SLC9C1: variants seen among roughly 807,000 people sequenced by gnomAD.
SLC9C1 encodes the protein solute carrier family 9 member C1.
A neutral mutation model predicts 140.9 loss-of-function variants in SLC9C1; 97 were observed. The ratio of observed to expected loss-of-function variants is 0.69; its 90% CI spans 0.58 to 0.82. The LOEUF is 0.82. Among genes scored for constraint, SLC9C1 ranks in the 40% least tolerant of loss-of-function variants. SLC9C1 has a pLI of 0.00. For synonymous variants in SLC9C1, 440 were observed against 442.6 expected (o/e 0.99, Z 0.07); for missense variants, 1,340 against 1,389.3 (o/e 0.96, Z 0.56).
intron 3 of SLC9C1, among the ~76,000 whole-genome samples, chr3:112,279,359 A>G (rs1158164114): frequency 6.6e-6 from 1 of 152,176 alleles, no homozygotes; most frequent in Admixed American, 6.6e-5. Flanking sequence ...TGTCCTCCAG[A>G]GCAAATGACA....
At chr3:112,203,614 T>C (rs1394303779) in intron 17 of SLC9C1, among the ~76,000 whole-genome samples, 1 of 152,030 alleles carries the variant, frequency 6.6e-6, no homozygotes, top group African/African-American at 2.4e-5. Context: ...TGTTTGTGTA[T>C]GAATAGTGAA....
intron 16 of SLC9C1, 52 bp from the exon 17 acceptor site, chr3:112,204,455 C>T (rs2077990119): frequency 6.7e-7 from 1 of 1,490,182 alleles, no homozygotes; most frequent in Admixed American, 2.6e-5. Flanking sequence ...GCTTTTACTA[C>T]ACCATTTTCC....
intron 26 of SLC9C1, among the ~76,000 whole-genome samples, chr3:112,162,820 T>C (rs1437610775): frequency 8.1e-6 from 1 of 123,398 alleles, no homozygotes; most frequent in East Asian, 2.4e-4. Flanking sequence ...CTTTTTCTAT[T>C]GATTGGAATA....
At chr3:112,175,201 G>A (rs1250380530) in intron 23 of SLC9C1, among the ~76,000 whole-genome samples, 1 of 152,200 alleles carries the variant, frequency 6.6e-6, no homozygotes, top group East Asian at 1.9e-4. Flanking sequence ...TTTCCATAGG[G>A]CTGCTGCAGT....
At chr3:112,232,768 A>G (rs900322512) in intron 12 of SLC9C1, among the ~76,000 whole-genome samples, 8 of 152,116 alleles carry the variant, frequency 5.3e-5, no homozygotes, top group Non-Finnish European at 8.8e-5. Context: ...TAGGGAAACC[A>G]TGACTGATTA....
At chr3:112,260,940 T>G (rs938951018) in intron 10 of SLC9C1, among the ~76,000 whole-genome samples, 2 of 152,022 alleles carry the variant, frequency 1.3e-5, no homozygotes, top group Admixed American at 1.3e-4. Flanking sequence ...ACACAATTCT[T>G]CCCTCCATGA....
chr3:112,265,339 T>C (rs1341078106), intron 8 of SLC9C1, among the ~76,000 whole-genome samples: 1 of 152,138 alleles, frequency 6.6e-6, no homozygotes, highest in East Asian at 1.9e-4. Flanking sequence ...ATATAACTAA[T>C]ACTTGTGTAG....
At chr3:112,267,766 T>C (rs536132285) in intron 7 of SLC9C1, among the ~76,000 whole-genome samples, 1 of 152,158 alleles carries the variant, frequency 6.6e-6, no homozygotes, top group African/African-American at 2.4e-5. Flanking sequence ...TAGTCCTGGC[T>C]GAAAATGGTA....
intron 15 of SLC9C1, among the ~76,000 whole-genome samples, chr3:112,209,666 T>C (rs557590198): frequency 6.6e-6 from 1 of 152,232 alleles, no homozygotes; most frequent in Admixed American, 6.5e-5. Context: ...AAAATCGATA[T>C]ATAAAAATCA....
intron 17 of SLC9C1, among the ~76,000 whole-genome samples, chr3:112,203,907 A>T (rs2077974079): frequency 1.3e-5 from 2 of 151,968 alleles, no homozygotes; most frequent in South Asian, 4.1e-4. Context: ...AAATATCTAT[A>T]AAAATAAACA....
rs2080237526 is a variant in SLC9C1, at chr3:112,277,149, G to A, written c.484+546C>T. 2.0e-5 allele frequency among the ~76,000 whole-genome samples: 3 copies of A among 151,606 alleles called. No homozygotes were observed. The South Asian group carries it at 6.3e-4, about 32-fold the overall frequency. On this transcript the variant is annotated intron_variant, in intron 5 of 28. Coordinates refer to ENST00000305815, the MANE Select transcript of SLC9C1 (RefSeq NM_183061.3). ...GAGGCTTTTTATTTTTGTTTTTCTG[G>A]GCTAAATTGAGTTGGTATTTTACTT...
chr3:112,155,183 T>A lies in SLC9C1; in HGVS notation c.3365-134A>T, dbSNP rs1300623116. ...TGATCTGAAATTGGTGGTAATCTCA[T>A]TTGGTTAAAAAAAAGGGTCACATTT... On this transcript the variant is annotated intron_variant, in intron 26 of 28. Coordinates refer to ENST00000305815, the MANE Select transcript of SLC9C1 (RefSeq NM_183061.3). The A allele has an allele frequency of 4.7e-6, 3 of 644,810 alleles. No individual in the cohort carries two copies. In the East Asian group the frequency reaches 8.6e-5, roughly 18 times the overall value. 39.9% of individuals were successfully genotyped at this position (644,810 alleles called of 1,614,324 possible).
chr3:112,292,701 G>T (rs2080720437), intron 1 of SLC9C1, among the ~76,000 whole-genome samples: 1 of 151,712 alleles, frequency 6.6e-6, no homozygotes. Context: ...CAGCCACCAC[G>T]CCCGGCTAAT....
intron 3 of SLC9C1, 60 bp from the exon 4 acceptor site, chr3:112,278,917 T>C: frequency 6.6e-7 from 1 of 1,509,046 alleles, no homozygotes; most frequent in East Asian, 2.4e-5. Context: ...ATAGAATACA[T>C]GCTAGGTGCT....
intron 28 of SLC9C1, among the ~76,000 whole-genome samples, chr3:112,148,696 T>C (rs910698424): frequency 6.6e-6 from 1 of 152,218 alleles, no homozygotes; most frequent in African/African-American, 2.4e-5. Context: ...GAAACTATTG[T>C]TTTAGGCAAT....
At chr3:112,202,528 A>AC in intron 17 of SLC9C1, 129 bp from the exon 18 acceptor site, 2 of 853,064 alleles carry the variant, frequency 2.3e-6, no homozygotes, top group Non-Finnish European at 3.4e-6. Flanking sequence ...ATAACCTGTC[A>AC]AGGTTCTTTG....
intron 13 of SLC9C1, among the ~76,000 whole-genome samples, chr3:112,227,571 C>T (rs1051776620): frequency 2.0e-5 from 3 of 152,000 alleles, no homozygotes; most frequent in African/African-American, 7.2e-5. Flanking sequence ...AGTAGATATA[C>T]AAGGAATGTA....
At chr3:112,250,637 G>A (rs180740660) in intron 10 of SLC9C1, among the ~76,000 whole-genome samples, 61 of 152,170 alleles carry the variant, frequency 4.0e-4, no homozygotes, top group African/African-American at 9.2e-4. Context: ...CAACACACAC[G>A]TGAAACATGT....
intron 23 of SLC9C1, among the ~76,000 whole-genome samples, chr3:112,175,629 C>T (rs913434638): frequency 6.6e-5 from 10 of 152,156 alleles, no homozygotes; most frequent in Non-Finnish European, 1.3e-4. Flanking sequence ...CTCAGTTGGC[C>T]AACACCAGCA....
Sources: gnomAD v4.1 joint callset for allele counts (sites outside exome capture counted in the v4.1 genomes callset) on GRCh38, gnomAD v4.1.1 for gene constraint, MANE v1.5 for transcripts, NCBI Gene and HGNC (gene_info 2026-07-23, HGNC 2026-07-21) for gene names.